CLIP2: variants seen among roughly 807,000 people sequenced by gnomAD.
CLIP2 encodes CAP-Gly domain-containing linker protein 2.
CLIP2 carries 41 observed loss-of-function variants against 111.7 expected under a neutral mutation model. That is an observed-to-expected ratio of 0.37 (90% CI 0.29 to 0.48). The LOEUF (loss-of-function observed/expected upper bound fraction) is 0.48. Among genes scored for constraint, CLIP2 ranks in the 20% least tolerant of loss-of-function variants. The pLI, the probability that CLIP2 is intolerant of heterozygous loss-of-function variation, is 0.99. For missense variants in CLIP2, 1,160 were observed against 1,422.1 expected (o/e 0.82, Z 2.96); for synonymous variants, 660 against 644.2 (o/e 1.02, Z -0.37).
At chr7:74,355,113 C>T (rs1031012996) in intron 4 of CLIP2, among the ~76,000 whole-genome samples, 11 of 152,218 alleles carry the variant, frequency 7.2e-5, no homozygotes, top group East Asian at 1.9e-4. Flanking sequence ...GTGGTTGAGA[C>T]GAGGCTGTGA....
chr7:74,330,438 G>C (rs1789248452), intron 2 of CLIP2, among the ~76,000 whole-genome samples: 1 of 151,584 alleles, frequency 6.6e-6, no homozygotes, highest in South Asian at 2.1e-4. Flanking sequence ...TGTATTTTTA[G>C]TAGAGATGGG....
At chr7:74,322,180 G>A (rs569147638) in intron 2 of CLIP2, among the ~76,000 whole-genome samples, 6 of 150,580 alleles carry the variant, frequency 4.0e-5, no homozygotes, top group East Asian at 4.0e-4. Flanking sequence ...TTGGAGAGAC[G>A]GCGTTTCACC....
chr7:74,401,134 T>C (rs1176953096), intron 15 of CLIP2, among the ~76,000 whole-genome samples: 4 of 150,336 alleles, frequency 2.7e-5, no homozygotes, highest in African/African-American at 9.8e-5. Context: ...CCGGGAACCC[T>C]GGTCTGAAGG....
chr7:74,351,467 T>C (rs141414422), intron 3 of CLIP2, among the ~76,000 whole-genome samples: 2 of 146,470 alleles, frequency 1.4e-5, no homozygotes, highest in Non-Finnish European at 3.0e-5. Flanking sequence ...CATTTTCAGA[T>C]ATAGAAAGCT....
intron 2 of CLIP2, among the ~76,000 whole-genome samples, chr7:74,335,378 A>G (rs1789418776): frequency 6.6e-6 from 1 of 151,788 alleles, no homozygotes; most frequent in Admixed American, 6.6e-5. Context: ...TATTTTTTGT[A>G]GAGACAGGGT....
chr7:74,360,105 C>T, intron 6 of CLIP2, 70 bp from the exon 7 acceptor site: 2 of 1,331,598 alleles, frequency 1.5e-6, no homozygotes, highest in East Asian at 5.1e-5. Context: ...CTGTCTCCCA[C>T]CACACCACCA....
chr7:74,297,050 G>A (rs1418190405), intron 1 of CLIP2, among the ~76,000 whole-genome samples: 11 of 152,184 alleles, frequency 7.2e-5, no homozygotes, highest in African/African-American at 2.7e-4. Flanking sequence ...CTCCTGGCTT[G>A]CTGCTTTCTC....
intron 3 of CLIP2, among the ~76,000 whole-genome samples, chr7:74,339,784 A>T (rs1309041923): frequency 6.6e-6 from 1 of 152,006 alleles, no homozygotes; most frequent in African/African-American, 2.4e-5. Flanking sequence ...TGGGAACTGG[A>T]GTTCTCAAGA....
At chr7:74,341,089 C>T (rs145867233) in intron 3 of CLIP2, among the ~76,000 whole-genome samples, 8 of 152,176 alleles carry the variant, frequency 5.3e-5, no homozygotes, top group African/African-American at 1.4e-4. Flanking sequence ...CCCATGGCCC[C>T]GTTGAATCTT....
intron 1 of CLIP2, among the ~76,000 whole-genome samples, chr7:74,314,817 G>A (rs530973185): frequency 6.6e-6 from 1 of 152,232 alleles, no homozygotes; most frequent in Non-Finnish European, 1.5e-5. Flanking sequence ...GAAGAGGCCT[G>A]GGGGTGGGGG....
chr7:74,314,494 AAAT>A (rs1157481892), intron 1 of CLIP2, among the ~76,000 whole-genome samples: 6 of 152,160 alleles, frequency 3.9e-5, no homozygotes, highest in African/African-American at 1.4e-4. Context: ...CTGTCTCTAA[AAAT>A]AATAATAATA....
chr7:74,389,346 CAG>C, intron 13 of CLIP2, 87 bp downstream of exon 13: 4 of 1,365,720 alleles, frequency 2.9e-6, no homozygotes, highest in South Asian at 3.0e-5. Context: ...TATCTTGGGG[CAG>C]AGAGGGGGAT....
At chr7:74,310,036 C>CAAAAAAAAAAAAAAAAAAAAA (rs71094774) in intron 1 of CLIP2, among the ~76,000 whole-genome samples, 2 of 92,510 alleles carry the variant, frequency 2.2e-5, no homozygotes, top group African/African-American at 6.2e-5. Context: ...CCTGTCTCTA[C>CAAAAAAAAAAAAAAAAAAAAA]AAAAAAAAAA....
chr7:74,400,105 G>A (rs1362975725), intron 14 of CLIP2, among the ~76,000 whole-genome samples: 2 of 147,718 alleles, frequency 1.4e-5, no homozygotes, highest in African/African-American at 5.1e-5. Flanking sequence ...ACCCAAGATC[G>A]CGCCACTGCA....
intron 1 of CLIP2, among the ~76,000 whole-genome samples, chr7:74,291,518 T>A (rs1584295869): frequency 6.6e-6 from 1 of 152,202 alleles, no homozygotes; most frequent in East Asian, 1.9e-4. Context: ...TGCCTCGACA[T>A]CCTCATCTGT....
chr7:74,329,704 C>A (rs868971256), intron 2 of CLIP2, among the ~76,000 whole-genome samples: 1 of 87,682 alleles, frequency 1.1e-5, no homozygotes, highest in Non-Finnish European at 3.3e-5. Flanking sequence ...CTGAGTTCAT[C>A]ACACATTCAC....
intron 11 of CLIP2, chr7:74,381,652 A>G: frequency 2.2e-6 from 1 of 456,028 alleles, no homozygotes; most frequent in Non-Finnish European, 4.4e-6. Context: ...CAAGTGACAC[A>G]AATGGTACCA....
chr7:74,376,917 C>T lies in CLIP2; in HGVS notation c.2421+95C>T, dbSNP rs1790809991. On this transcript the variant is annotated intron_variant, in intron 10 of 16. Coordinates refer to ENST00000223398, the MANE Select transcript of CLIP2 (RefSeq NM_003388.5). This position sits in a 1 kb window ranked among gnomAD's most constrained non-coding sequence, Gnocchi z 7.1. ...TGTTCTGCAGCCCAGGAAGCATTTC[C>T]CTTGTCCCCGAGAGCATGCCTGGGG... The T allele has an allele frequency of 8.0e-7, 1 of 1,248,904 alleles. No individual in the cohort carries two copies. The highest frequency in any genetic ancestry group is 1.1e-6 in the Non-Finnish European group (1 of 926,592). 77.4% of individuals were successfully genotyped at this position (1,248,904 alleles called of 1,614,324 possible). A position where few individuals can be genotyped will look rare whatever the true frequency, so the allele number is the denominator to read the frequency against.
intron 1 of CLIP2, among the ~76,000 whole-genome samples, chr7:74,312,685 C>G (rs899972539): frequency 2.0e-5 from 3 of 152,132 alleles, no homozygotes; most frequent in African/African-American, 7.2e-5. Flanking sequence ...GACTCCCGGC[C>G]CCCAGAATTC....
Sources: gnomAD v4.1 joint callset for allele counts (sites outside exome capture counted in the v4.1 genomes callset) on GRCh38, gnomAD v4.1.1 for gene constraint, Gnocchi (gnomAD v3.1) non-coding constraint, MANE v1.5 for transcripts, NCBI Gene and HGNC (gene_info 2026-07-23, HGNC 2026-07-21) for gene names.